ST18: variants seen among roughly 807,000 people sequenced by gnomAD.
ST18 encodes suppression of tumorigenicity 18 protein.
In ST18, 50 loss-of-function variants were observed where a neutral mutation model predicts 110.0. The ratio of observed to expected loss-of-function variants is 0.45; its 90% CI spans 0.36 to 0.58. The LOEUF is 0.58. ST18 is among the 20% of genes least tolerant of loss of function. ST18 has a pLI of 0.00. For missense variants in ST18, 1,306 were observed against 1,280.1 expected (o/e 1.02, Z -0.31); for synonymous variants, 461 against 452.4 (o/e 1.02, Z -0.24).
At chr8:52,193,419 C>G (rs1339514708) in intron 8 of ST18, among the ~76,000 whole-genome samples, 1 of 152,200 alleles carries the variant, frequency 6.6e-6, no homozygotes, top group Non-Finnish European at 1.5e-5. Context: ...CTCCCTGGGA[C>G]AGCCCATATT....
chr8:52,288,248 T>C (rs1047131717), intron 2 of ST18, among the ~76,000 whole-genome samples: 3 of 152,138 alleles, frequency 2.0e-5, no homozygotes, highest in Non-Finnish European at 2.9e-5. Flanking sequence ...TGGGTGGGAA[T>C]GCTGCATCCT....
At chr8:52,166,341 C>T (rs1261561927) in intron 11 of ST18, among the ~76,000 whole-genome samples, 1 of 152,210 alleles carries the variant, frequency 6.6e-6, no homozygotes, top group Admixed American at 6.5e-5. Context: ...GAACCCACAG[C>T]CCAACTACCT....
chr8:52,220,663 C>A (rs1298871775), intron 5 of ST18, 78 bp downstream of exon 5: 4 of 152,076 alleles, frequency 2.6e-5, no homozygotes, highest in African/African-American at 9.7e-5. Context: ...TAGAGGAGAG[C>A]TTTCGTATAA....
intron 2 of ST18, among the ~76,000 whole-genome samples, chr8:52,399,422 TTTTTTATTTA>T (rs1842184884): frequency 6.6e-6 from 1 of 151,934 alleles, no homozygotes; most frequent in South Asian, 2.1e-4. Flanking sequence ...GGTTTTTCTG[TTTTTTATTTA>T]TTTCTGTTCT....
At chr8:52,114,006 A>G (rs1423108137) in intron 25 of ST18, among the ~76,000 whole-genome samples, 2 of 97,730 alleles carry the variant, frequency 2.0e-5, no homozygotes, top group Admixed American at 1.7e-4. Flanking sequence ...GTCTCGCTCT[A>G]TTGTCCTGGC....
At chr8:52,186,268 C>G (rs2072163081) in intron 8 of ST18, among the ~76,000 whole-genome samples, 1 of 152,198 alleles carries the variant, frequency 6.6e-6, no homozygotes, top group Non-Finnish European at 1.5e-5. Flanking sequence ...AGGCAAAGTA[C>G]ACGGGCAGTC....
rs2133373133 is a variant in ST18, at chr8:52,165,135, C to T, written c.1295G>A (p.Ser432Asn). The change falls in exon 12 of 26, where the codon AGT becomes AAT. Residue 432 changes from serine (S) to asparagine (N), a missense_variant and splice_region_variant. By Grantham distance (46) the Ser-to-Asn change is conservative. Coordinates refer to ENST00000689386, the MANE Select transcript of ST18 (RefSeq NM_001352837.2). ...ATGATTATCATCTAATGAGAATTAC[C>T]TCCTGTGGGTGTTGCGGTTGCTGTT... Reference protein sequence around the residue: ...HVNSNRNTHRSLSGCPIAAAE... With the variant: ...HVNSNRNTHRNLSGCPIAAAE... 6.2e-7 allele frequency: 1 copy of T among 1,614,066 alleles called. No individual in the cohort carries two copies. The highest frequency in any genetic ancestry group is 1.1e-5 in the South Asian group (1 of 91,074).
At chr8:52,131,616 T>A (rs916250073) in intron 22 of ST18, among the ~76,000 whole-genome samples, 1 of 152,146 alleles carries the variant, frequency 6.6e-6, no homozygotes, top group African/African-American at 2.4e-5. Flanking sequence ...TGCAATTACA[T>A]AACATAATAG....
intron 2 of ST18, among the ~76,000 whole-genome samples, chr8:52,382,760 T>C (rs1157658321): frequency 6.6e-6 from 1 of 151,976 alleles, no homozygotes; most frequent in Non-Finnish European, 1.5e-5. Context: ...CAATTTTTTT[T>C]TTTTTTTGGA....
intron 2 of ST18, among the ~76,000 whole-genome samples, chr8:52,278,163 G>T (rs192691647): frequency 6.6e-6 from 1 of 152,076 alleles, no homozygotes; most frequent in South Asian, 2.1e-4. Context: ...TAATCTAAAC[G>T]TTGACAGCAT....
intron 2 of ST18, among the ~76,000 whole-genome samples, chr8:52,322,569 A>C (rs899864827): frequency 6.6e-6 from 1 of 152,240 alleles, no homozygotes; most frequent in Non-Finnish European, 1.5e-5. Context: ...TTTTCAATAA[A>C]ATATCACTCA....
At chr8:52,379,238 C>G (rs1268634239) in intron 2 of ST18, among the ~76,000 whole-genome samples, 1 of 151,832 alleles carries the variant, frequency 6.6e-6, no homozygotes, top group Non-Finnish European at 1.5e-5. Context: ...GCTGGGATTA[C>G]AGGTGTGCAC....
At chr8:52,132,262 TAG>T (rs2049982449) in intron 21 of ST18, 83 bp from the exon 22 acceptor site, 3 of 1,226,310 alleles carry the variant, frequency 2.4e-6, no homozygotes, top group Non-Finnish European at 3.3e-6. Flanking sequence ...CATGCAATTA[TAG>T]AGTTTTAATA....
At chr8:52,402,221 T>A in intron 2 of ST18, among the ~76,000 whole-genome samples, 1 of 152,136 alleles carries the variant, frequency 6.6e-6, no homozygotes, top group African/African-American at 2.4e-5. Flanking sequence ...GGATCCCTGT[T>A]ATTATCAGGT....
chr8:52,238,655 A>G (rs1025268441), intron 2 of ST18, among the ~76,000 whole-genome samples: 6 of 152,130 alleles, frequency 3.9e-5, no homozygotes, highest in African/African-American at 1.2e-4. Context: ...ACATACATAT[A>G]TACAACATGG....
intron 6 of ST18, 157 bp from the exon 7 acceptor site, chr8:52,214,414 C>T (rs1011311064): frequency 1.6e-6 from 1 of 627,064 alleles, no homozygotes; most frequent in South Asian, 2.2e-5. Flanking sequence ...GTGACTCCCC[C>T]CACATACCAC....
At position 52,357,728 on chromosome 8, in the gene ST18, TATAA is replaced by T. The variant is rs1297989181; in HGVS notation, c.-465+51596_-465+51599del. Reference sequence around the variant, plus strand: ...ATATATATATATATATATATATATATATAAAACAGACTCAAAGGGAGAAATAGTT... The same window carrying T: ...ATATATATATATATATATATATATATAACAGACTCAAAGGGAGAAATAGTT... On this transcript the variant is annotated intron_variant, in intron 2 of 25. Transcript: ENST00000689386. Among the ~76,000 whole-genome samples, 7 of 89,324 alleles carry T rather than the reference TATAA, an allele frequency of 7.8e-5. No homozygotes were observed. The East Asian group carries it at 1.7e-3, about 21-fold the overall frequency. 58.6% of individuals were successfully genotyped at this position (89,324 alleles called of 152,430 possible).
intron 8 of ST18, among the ~76,000 whole-genome samples, chr8:52,209,471 C>T (rs2081319742): frequency 6.6e-6 from 1 of 152,012 alleles, no homozygotes. Context: ...CATAGGACCC[C>T]AATAAATATT....
chr8:52,138,031 C>T (rs1023241336), intron 17 of ST18, among the ~76,000 whole-genome samples: 7 of 139,890 alleles, frequency 5.0e-5, no homozygotes, highest in South Asian at 2.2e-4. Flanking sequence ...ACTCAGGAGG[C>T]GGACATTGTG....
Sources: gnomAD v4.1 joint callset for allele counts (sites outside exome capture counted in the v4.1 genomes callset) on GRCh38, gnomAD v4.1.1 for gene constraint, MANE v1.5 for transcripts, NCBI Gene and HGNC (gene_info 2026-07-23, HGNC 2026-07-21) for gene names.